Variants in PRELID2 observed in about 807,000 individuals in gnomAD.
The protein encoded by PRELID2 is PRELI domain containing 2.
In PRELID2, 25 loss-of-function variants were observed where a neutral mutation model predicts 28.4. The ratio of observed to expected loss-of-function variants is 0.88; its 90% CI spans 0.64 to 1.23. The LOEUF is 1.23. Ranked by LOEUF, PRELID2 falls within the 50% of genes most tolerant of loss-of-function variation. The pLI is 0.00. For missense variants in PRELID2, 201 were observed against 214.4 expected (o/e 0.94, Z 0.39); for synonymous variants, 76 against 71.6 (o/e 1.06, Z -0.31).
chr5:145,808,688 C>T lies in PRELID2; in HGVS notation c.368+9206G>A, dbSNP rs776954474. 4.6e-5 allele frequency among the ~76,000 whole-genome samples: 7 copies of T among 151,676 alleles called. No individual in the cohort carries two copies. In the East Asian group the frequency reaches 5.8e-4, roughly 13 times the overall value. On this transcript the variant is annotated intron_variant, in intron 4 of 6. Coordinates refer to ENST00000683046, the MANE Select transcript of PRELID2 (RefSeq NM_205846.3). Reference sequence around the variant, plus strand: ...TCACTTGAGGCCAGGAGTTCAAGACCGGCTGGACAACACAGTGACACCCTG... The same window carrying T: ...TCACTTGAGGCCAGGAGTTCAAGACTGGCTGGACAACACAGTGACACCCTG...
intron 1 of PRELID2, among the ~76,000 whole-genome samples, chr5:145,527,496 A>G (rs567009708): frequency 3.3e-5 from 5 of 152,374 alleles, no homozygotes; most frequent in African/African-American, 1.2e-4. Flanking sequence ...TAAAAAACAA[A>G]ATAATCTTAC....
At position 145,741,022 on chromosome 5, in the gene PRELID2, AAT is replaced by A. The variant is rs1296418198; in HGVS notation, n.70+23907_70+23908del. ...ATATTATATATTTGTATACAAATAAAATATATATTATATATTTGTATACAAAT... is the reference window on the plus strand; with the variant it reads ...ATATTATATATTTGTATACAAATAAAATATATTATATATTTGTATACAAAT... On this transcript the variant is annotated intron_variant and non_coding_transcript_variant, in intron 1 of 2. Coordinates refer to the PRELID2 transcript ENST00000510259. Among the ~76,000 whole-genome samples, 3 of 117,512 alleles carry A rather than the reference AAT, an allele frequency of 2.6e-5. No homozygotes were observed. The Admixed American group carries it at 3.1e-4, about 12-fold the overall frequency. The allele number at this position is 117,512 out of a possible 152,430, so 77.1% of individuals were successfully genotyped here.
At chr5:145,370,719 C>T in the PRELID2 span, among the ~76,000 whole-genome samples, 1 of 152,030 alleles carries the variant, frequency 6.6e-6, no homozygotes. Context: ...GGCAAAATGA[C>T]CATTTACATA....
intron 1 of PRELID2, among the ~76,000 whole-genome samples, chr5:145,494,955 G>A (rs1275891554): frequency 6.6e-6 from 1 of 152,148 alleles, no homozygotes; most frequent in African/African-American, 2.4e-5. Context: ...TGTTAAGTGT[G>A]CCAATGACAA....
At chr5:145,571,799 G>A (rs150715359) in intron 1 of PRELID2, among the ~76,000 whole-genome samples, 2,239 of 152,186 alleles carry the variant, frequency 0.015, 59 homozygotes, top group African/African-American at 0.051. Flanking sequence ...GGCTAACACG[G>A]TGAAACCCTG....
At chr5:145,252,160 C>T in the PRELID2 span, among the ~76,000 whole-genome samples, 2 of 152,126 alleles carry the variant, frequency 1.3e-5, no homozygotes, top group Non-Finnish European at 2.9e-5. Context: ...TCAGGTTCCA[C>T]TCTAAACATC....
chr5:145,773,888 T>G (rs1758253491), intron 5 of PRELID2, among the ~76,000 whole-genome samples: 1 of 152,240 alleles, frequency 6.6e-6, no homozygotes, highest in South Asian at 2.1e-4. Flanking sequence ...GATGCTCAAA[T>G]AATAAATAAA....
the PRELID2 span, among the ~76,000 whole-genome samples, chr5:145,390,124 C>T: frequency 6.6e-6 from 1 of 152,122 alleles, no homozygotes; most frequent in African/African-American, 2.4e-5. Flanking sequence ...AGTGGAAGTA[C>T]ATAGGAAAGA....
At chr5:145,767,801 A>G (rs765859312) in intron 5 of PRELID2, among the ~76,000 whole-genome samples, 2 of 152,346 alleles carry the variant, frequency 1.3e-5, no homozygotes, top group South Asian at 2.1e-4. Context: ...TTCATTTACT[A>G]GAATTTGTAA....
chr5:145,501,519 T>TTGTGG (rs1752359781), intron 1 of PRELID2, among the ~76,000 whole-genome samples: 2 of 152,148 alleles, frequency 1.3e-5, no homozygotes, highest in Non-Finnish European at 2.9e-5. Context: ...CATACTGTTC[T>TTGTGG]TGTGGTGTGA....
At chr5:145,736,513 G>T (rs1756500811) in intron 1 of PRELID2, among the ~76,000 whole-genome samples, 3 of 152,132 alleles carry the variant, frequency 2.0e-5, no homozygotes, top group Admixed American at 2.0e-4. Context: ...AGACTATTCA[G>T]ACTTGTTCTT....
At chr5:145,616,042 T>C (rs1753693455) in intron 1 of PRELID2, among the ~76,000 whole-genome samples, 1 of 152,212 alleles carries the variant, frequency 6.6e-6, no homozygotes, top group African/African-American at 2.4e-5. Flanking sequence ...ATAATTGTTT[T>C]GTTTGAGGAG....
the PRELID2 span, among the ~76,000 whole-genome samples, chr5:145,344,683 T>C: frequency 6.6e-6 from 1 of 152,126 alleles, no homozygotes; most frequent in Non-Finnish European, 1.5e-5. Context: ...GTGAGAGGGA[T>C]GCTCCTGCCA....
chr5:145,728,631 T>C, intron 1 of PRELID2: 1 of 1,223,246 alleles, frequency 8.2e-7, no homozygotes, highest in Non-Finnish European at 1.2e-6. Flanking sequence ...ATAGACTCCA[T>C]AACGAACATA....
intron 1 of PRELID2, among the ~76,000 whole-genome samples, chr5:145,509,382 C>A (rs1016948122): frequency 6.6e-6 from 1 of 152,184 alleles, no homozygotes; most frequent in South Asian, 2.1e-4. Context: ...CTCTCAACTA[C>A]TCTATGACAA....
chr5:145,781,698 CTATA>C (rs376391264), intron 5 of PRELID2, among the ~76,000 whole-genome samples: 3 of 143,258 alleles, frequency 2.1e-5, no homozygotes, highest in South Asian at 2.2e-4. Context: ...ACTATATATA[CTATA>C]TATATATACA....
chr5:145,238,702 G>T, the PRELID2 span, among the ~76,000 whole-genome samples: 1 of 151,808 alleles, frequency 6.6e-6, no homozygotes, highest in Non-Finnish European at 1.5e-5. Flanking sequence ...CTTGTGAAAG[G>T]TCTCCCCTGT....
At chr5:145,491,986 T>G (rs1208080383) in intron 1 of PRELID2, among the ~76,000 whole-genome samples, 1 of 152,202 alleles carries the variant, frequency 6.6e-6, no homozygotes, top group Non-Finnish European at 1.5e-5. Flanking sequence ...CTATTGTGAA[T>G]AGTGCTGTAA....
intron 1 of PRELID2, chr5:145,703,885 AT>A (rs1755475044): frequency 6.6e-6 from 1 of 152,188 alleles, no homozygotes; most frequent in African/African-American, 2.4e-5. Flanking sequence ...CACAAGACTC[AT>A]TTTACTCATG....
Sources: allele counts gnomAD v4.1 joint callset (sites outside exome capture counted in the v4.1 genomes callset), GRCh38; gene constraint gnomAD v4.1.1; transcripts MANE v1.5; gene names NCBI Gene and HGNC (gene_info 2026-07-23, HGNC 2026-07-21).